The following CDKN1A variants were observed in gnomAD, a reference collection of about 807,000 sequenced individuals.
The protein encoded by CDKN1A is cyclin-dependent kinase inhibitor 1.
A neutral mutation model predicts 14.8 loss-of-function variants in CDKN1A; 14 were observed. The observed-to-expected ratio is 0.94, with a 90% CI of 0.62 to 1.48. The LOEUF is 1.48. Ranked by LOEUF, CDKN1A falls within the 40% of genes most tolerant of loss-of-function variation. CDKN1A has a pLI of 0.00. For synonymous variants in CDKN1A, 92 were observed against 93.5 expected (o/e 0.98, Z 0.09); for missense variants, 203 against 231.7 (o/e 0.88, Z 0.80).
chr6:36,685,159 C>T (rs144149416), intron 2 of CDKN1A, among the ~76,000 whole-genome samples: 1 of 152,292 alleles, frequency 6.6e-6, no homozygotes, highest in African/African-American at 2.4e-5. Flanking sequence ...CCTTTTAGGG[C>T]AAGGAAACCA....
chr6:36,680,307 C>CGTGT (rs59454180), intron 1 of CDKN1A, among the ~76,000 whole-genome samples: 36,258 of 133,008 alleles, frequency 0.27, 5,277 homozygotes, highest in South Asian at 0.32. Flanking sequence ...TCTGCGCGGG[C>CGTGT]GTGTGTGTGT....
At position 36,679,034 on chromosome 6, in the gene CDKN1A, G is replaced by A. The variant is rs200966207; in HGVS notation, c.-6+236G>A. On this transcript the variant is annotated intron_variant, in intron 1 of 2. Coordinates refer to ENST00000244741, the MANE Select transcript of CDKN1A (RefSeq NM_000389.5). ...AGAGTCGGGATGTGCCGGAGACCCC[G>A]GGGCGGAGAGCGGGATTACAAGTAC... is the stretch of plus-strand genomic sequence containing the variant. 1.2e-5 allele frequency: 8 copies of A among 695,094 alleles called. No individual in the cohort carries two copies. The African/African-American group carries it at 2.9e-4, about 25-fold the overall frequency. 43.1% of individuals were successfully genotyped at this position (695,094 alleles called of 1,614,324 possible). A position where few individuals can be genotyped will look rare whatever the true frequency, so the allele number is the denominator to read the frequency against.
At chr6:36,685,694 C>T in intron 2 of CDKN1A, 57 bp from the exon 3 acceptor site, 1 of 1,580,916 alleles carries the variant, frequency 6.3e-7, no homozygotes, top group Middle Eastern at 1.7e-4. Context: ...CTCAGTTGGG[C>T]AGCTCCGCCG....
rs1562036172 is a variant in CDKN1A, at chr6:36,678,917, G to A, written c.-6+119G>A. 1.0e-6 allele frequency: 1 copy of A among 985,994 alleles called. No individual in the cohort carries two copies. The allele number at this position is 985,994 out of a possible 1,614,324, so 61.1% of individuals were successfully genotyped here. A position where few individuals can be genotyped will look rare whatever the true frequency, so the allele number is the denominator to read the frequency against. The stretch of plus-strand genomic sequence containing the variant: ...ATGCGTGTTCGCGGGTGTGTGCTGC[G>A]TTCACAGGTGTTTCTGCGGCAGGTG... On this transcript the variant is annotated intron_variant, in intron 1 of 2. Transcript: ENST00000244741. This position sits in a 1 kb window ranked among gnomAD's most constrained non-coding sequence, Gnocchi z 5.7.
intron 1 of CDKN1A, among the ~76,000 whole-genome samples, chr6:36,681,334 T>TTCTTTCTTC (rs780161958): frequency 2.3e-5 from 2 of 86,058 alleles, no homozygotes; most frequent in Non-Finnish European, 4.9e-5. Flanking sequence ...CTTTCTTTCT[T>TTCTTTCTTC]TTTCTTTCTT....
chr6:36,676,848 C>T (rs900049544), upstream of CDKN1A, among the ~76,000 whole-genome samples: 1 of 151,872 alleles, frequency 6.6e-6, no homozygotes, highest in East Asian at 1.9e-4. Flanking sequence ...TATTGAATGT[C>T]GTGGTGGTGG....
chr6:36,681,279 T>TC (rs780810528), intron 1 of CDKN1A, among the ~76,000 whole-genome samples: 23,295 of 92,726 alleles, frequency 0.25, 3,624 homozygotes, highest in Non-Finnish European at 0.26. Flanking sequence ...TTTCTTTCTT[T>TC]TTTTCTTTCT....
rs59454180 is a variant in CDKN1A at position 36,680,307 on chromosome 6, CGTGTGTGT to C, written c.-6+1540_-6+1547del. On this transcript the variant is annotated intron_variant, in intron 1 of 2. Coordinates refer to ENST00000244741, the MANE Select transcript of CDKN1A (RefSeq NM_000389.5). ...GCGCGCGCGTGCGTGTCTGCGCGGGCGTGTGTGTGTGTGTGTGTGTGTGTGTGTGTGTG... is the reference window on the plus strand; with the variant it reads ...GCGCGCGCGTGCGTGTCTGCGCGGGCGTGTGTGTGTGTGTGTGTGTGTGTG... 4.7e-3 allele frequency among the ~76,000 whole-genome samples: 630 copies of C among 133,270 alleles called. 8 individuals carry two copies. Among genetic ancestry groups the C allele is most frequent in the African/African-American group, 0.017 (595 of 34,800 alleles). 87.4% of individuals were successfully genotyped at this position (133,270 alleles called of 152,430 possible).
upstream of CDKN1A, chr6:36,678,629 G>T (rs755932372): frequency 2.3e-5 from 23 of 983,018 alleles, no homozygotes; most frequent in Non-Finnish European, 2.8e-5. The surrounding 1 kb of genome is among the most constrained non-coding windows in gnomAD (Gnocchi z 5.7). Flanking sequence ...CGGGCGGCGC[G>T]GTGGGCCGAG....
At chr6:36,678,002 C>CT, upstream of CDKN1A, 2 of 731,372 alleles carry the variant, frequency 2.7e-6, no homozygotes, top group Non-Finnish European at 2.1e-6. The surrounding 1 kb of genome is among the most constrained non-coding windows in gnomAD (Gnocchi z 5.7). Context: ...TCAGGTTGCC[C>CT]TTTTTTGGTA....
intron 2 of CDKN1A, among the ~76,000 whole-genome samples, chr6:36,685,122 G>T (rs545420148): frequency 6.6e-6 from 1 of 152,206 alleles, no homozygotes; most frequent in Non-Finnish European, 1.5e-5. Context: ...TTACAGGCGT[G>T]AGCCACCATG....
chr6:36,685,778 T>C lies in CDKN1A; in HGVS notation c.473T>C (p.Ile158Thr), dbSNP rs1762180812. Reference sequence around the variant, plus strand: ...TTCTACCACTCCAAACGCCGGCTGATCTTCTCCAAGAGGAAGCCCTAATCC... The same window carrying C: ...TTCTACCACTCCAAACGCCGGCTGACCTTCTCCAAGAGGAAGCCCTAATCC... Reference protein sequence around the residue: ...TDFYHSKRRLIFSKRKP With the variant: ...TDFYHSKRRLTFSKRKP Residue 158 changes from isoleucine to threonine, a missense_variant, in exon 3 of 3, where the codon ATC (isoleucine) becomes ACC (threonine). Physicochemically the swap from Ile to Thr is moderately conservative, Grantham distance 89. Transcript: ENST00000244741. 1.6e-5 allele frequency: 26 copies of C among 1,614,074 alleles called. No homozygotes were observed. The highest frequency in any genetic ancestry group is 2.2e-5 in the Non-Finnish European group (26 of 1,180,032).
intron 1 of CDKN1A, among the ~76,000 whole-genome samples, chr6:36,681,859 G>A (rs1445040376): frequency 6.6e-6 from 1 of 152,028 alleles, no homozygotes; most frequent in Non-Finnish European, 1.5e-5. Context: ...CTCCCAAAGT[G>A]CTGGGATTAC....
At chr6:36,680,307 C>CGTGTGT (rs59454180) in intron 1 of CDKN1A, among the ~76,000 whole-genome samples, 13,520 of 133,102 alleles carry the variant, frequency 0.1, 1,003 homozygotes, top group African/African-American at 0.19. Context: ...TCTGCGCGGG[C>CGTGTGT]GTGTGTGTGT....
intron 1 of CDKN1A, among the ~76,000 whole-genome samples, chr6:36,682,195 G>A (rs1762041165): frequency 6.6e-6 from 1 of 152,238 alleles, no homozygotes; most frequent in African/African-American, 2.4e-5. Context: ...TGTTAGGCAA[G>A]TTACTTAACT....
At chr6:36,677,699 T>A (rs570056148), upstream of CDKN1A, 3 of 434,220 alleles carry the variant, frequency 6.9e-6, no homozygotes, top group East Asian at 1.3e-4. Context: ...GCCACAGAAA[T>A]AAAGGATGAC....
chr6:36,678,001 C>A, upstream of CDKN1A: 1 of 746,554 alleles, frequency 1.3e-6, no homozygotes. The surrounding 1 kb of genome is among the most constrained non-coding windows in gnomAD (Gnocchi z 5.7). Flanking sequence ...ATCAGGTTGC[C>A]CTTTTTTGGT....
In CDKN1A at chr6:36,687,027, TGGGCTCATATGGGG is replaced by T. The variant is rs1223431084; in HGVS notation, c.*1228_*1241del. The T allele has an allele frequency of 4.3e-6, 1 of 233,396 alleles. No individual in the cohort carries two copies. Among genetic ancestry groups the T allele is most frequent in the Non-Finnish European group, 8.5e-6 (1 of 118,098 alleles). 14.5% of individuals were successfully genotyped at this position (233,396 alleles called of 1,614,324 possible). A position where few individuals can be genotyped will look rare whatever the true frequency, so the allele number is the denominator to read the frequency against. ...GAGGCTATGGACAGGGCATGCCACG[TGGGCTCATATGGGG>T]CTGGGAGTAGTTGTCTTTCCTGGCA... On this transcript the variant is annotated 3_prime_UTR_variant, in exon 3 of 3. Transcript: ENST00000244741.
At chr6:36,681,421 CTCTT>C (rs1478304000) in intron 1 of CDKN1A, among the ~76,000 whole-genome samples, 2 of 115,072 alleles carry the variant, frequency 1.7e-5, no homozygotes, top group African/African-American at 6.5e-5. Context: ...TTCTCTTTCT[CTCTT>C]TCTTTCTCTT....
Sources: allele counts gnomAD v4.1 joint callset (sites outside exome capture counted in the v4.1 genomes callset), GRCh38; gene constraint gnomAD v4.1.1; non-coding constraint Gnocchi (gnomAD v3.1); transcripts MANE v1.5; gene names NCBI Gene and HGNC (gene_info 2026-07-23, HGNC 2026-07-21).